ERBB4: variants seen among roughly 807,000 people sequenced by gnomAD.
ERBB4 encodes the protein erb-b2 receptor tyrosine kinase 4.
ERBB4 carries 42 observed loss-of-function variants against 158.0 expected under a neutral mutation model. The observed-to-expected ratio is 0.27, with a 90% CI of 0.21 to 0.34. ERBB4 has a LOEUF of 0.34. ERBB4 is among the 10% of genes least tolerant of loss of function. The probability of loss-of-function intolerance (pLI) is 1.00; values close to 1 mark genes in which losing one functional copy is unlikely to be tolerated. For missense variants in ERBB4, 1,333 were observed against 1,624.1 expected, an observed-to-expected ratio of 0.82 and a Z score of 3.08; for synonymous variants, 583 against 558.7, an observed-to-expected ratio of 1.04 and a Z score of -0.61.
At position 211,522,827 on chromosome 2, in the gene ERBB4, T is replaced by C. The variant is rs551697890; in HGVS notation, c.2487+39076A>G. Among the ~76,000 whole-genome samples, 41 of 152,228 alleles carry C rather than the reference T, an allele frequency of 2.7e-4. 1 individual carries two copies. In the South Asian group the frequency reaches 7.5e-3, roughly 28 times the overall value. ...TTTTTAGATATAATGCTATTGCAAA[T>C]TTATTAGACTACAGTGTAGTATAAA... On this transcript the variant is annotated intron_variant, in intron 20 of 27. Coordinates refer to ENST00000342788, the MANE Select transcript of ERBB4 (RefSeq NM_005235.3).
At chr2:212,387,554 A>G (rs1204629796) in intron 1 of ERBB4, among the ~76,000 whole-genome samples, 2 of 151,582 alleles carry the variant, frequency 1.3e-5, no homozygotes, top group Non-Finnish European at 1.5e-5. Flanking sequence ...AGTAGCTGGG[A>G]TTACGGGCAC....
chr2:212,261,494 C>T (rs1338585512), intron 1 of ERBB4, among the ~76,000 whole-genome samples: 1 of 151,998 alleles, frequency 6.6e-6, no homozygotes, highest in Non-Finnish European at 1.5e-5. Context: ...ACGTCCTGGA[C>T]AAGAACAAAT....
At chr2:211,690,612 G>T (rs1474582624) in intron 12 of ERBB4, among the ~76,000 whole-genome samples, 1 of 152,130 alleles carries the variant, frequency 6.6e-6, no homozygotes, top group Non-Finnish European at 1.5e-5. Context: ...AGTGAAGATT[G>T]GTTGATCATT....
At chr2:211,772,848 T>TATACAC (rs2075736655) in intron 4 of ERBB4, among the ~76,000 whole-genome samples, 3 of 64,318 alleles carry the variant, frequency 4.7e-5, no homozygotes, top group African/African-American at 2.0e-4. Flanking sequence ...CATATATATA[T>TATACAC]ATATATATAT....
chr2:212,297,115 G>T (rs907143152), intron 1 of ERBB4, among the ~76,000 whole-genome samples: 1 of 151,922 alleles, frequency 6.6e-6, no homozygotes, highest in African/African-American at 2.4e-5. Context: ...ATTCACATCT[G>T]AGTACAAATT....
chr2:212,402,369 G>C (rs1259850517), intron 1 of ERBB4, among the ~76,000 whole-genome samples: 1 of 152,068 alleles, frequency 6.6e-6, no homozygotes, highest in African/African-American at 2.4e-5. Flanking sequence ...GCGGGCTTTG[G>C]AGGAATGTGG....
intron 3 of ERBB4, among the ~76,000 whole-genome samples, chr2:211,847,844 C>T (rs111678758): frequency 5.9e-5 from 9 of 152,174 alleles, no homozygotes; most frequent in Admixed American, 1.3e-4. Context: ...TTCATAATAG[C>T]GTGATGCCAT....
intron 1 of ERBB4, among the ~76,000 whole-genome samples, chr2:212,485,385 A>C (rs535967554): frequency 3.9e-5 from 6 of 152,328 alleles, no homozygotes; most frequent in African/African-American, 1.2e-4. Context: ...CTCAACTAGA[A>C]ATATAAACTC....
chr2:211,418,011 A>G (rs1399222066), intron 25 of ERBB4, among the ~76,000 whole-genome samples: 1 of 152,170 alleles, frequency 6.6e-6, no homozygotes, highest in East Asian at 1.9e-4. Context: ...AAACAAAGTC[A>G]TAGAGATATT....
At chr2:211,495,266 T>A (rs1206481155) in intron 20 of ERBB4, among the ~76,000 whole-genome samples, 1 of 152,062 alleles carries the variant, frequency 6.6e-6, no homozygotes, top group Non-Finnish European at 1.5e-5. Flanking sequence ...ATTAAGTGTT[T>A]AAGCCATTGT....
At chr2:212,148,145 C>CT (rs78160323) in intron 1 of ERBB4, among the ~76,000 whole-genome samples, 191 of 142,766 alleles carry the variant, frequency 1.3e-3, no homozygotes, top group South Asian at 2.7e-3. Flanking sequence ...AGAGTATTTT[C>CT]TTTTTTTTTT....
At chr2:211,817,311 A>G (rs1478262379) in intron 3 of ERBB4, among the ~76,000 whole-genome samples, 21 of 152,178 alleles carry the variant, frequency 1.4e-4, no homozygotes, top group Admixed American at 1.2e-3. Context: ...AAACCTTTAC[A>G]TTTGGAGCCT....
At chr2:212,194,935 T>C (rs2082377965) in intron 1 of ERBB4, among the ~76,000 whole-genome samples, 1 of 151,958 alleles carries the variant, frequency 6.6e-6, no homozygotes, top group Non-Finnish European at 1.5e-5. Flanking sequence ...TCATTTGTTT[T>C]CCACATTGGT....
chr2:211,539,663 G>C (rs963808823), intron 20 of ERBB4, among the ~76,000 whole-genome samples: 1 of 151,944 alleles, frequency 6.6e-6, no homozygotes, highest in African/African-American at 2.4e-5. Flanking sequence ...AAAGGATTAA[G>C]TGACTCCTTA....
intron 1 of ERBB4, among the ~76,000 whole-genome samples, chr2:212,217,379 T>C (rs569620751): frequency 1.3e-5 from 2 of 151,490 alleles, no homozygotes; most frequent in African/African-American, 4.8e-5. Context: ...AGGTTAAATG[T>C]GTTCATTCAT....
chr2:211,876,560 G>A (rs2078508456), intron 3 of ERBB4, among the ~76,000 whole-genome samples: 1 of 152,114 alleles, frequency 6.6e-6, no homozygotes. Context: ...TGTGTTCGGT[G>A]AGAAAAACCA....
At chr2:211,605,422 A>G (rs559906049) in intron 19 of ERBB4, among the ~76,000 whole-genome samples, 3 of 152,158 alleles carry the variant, frequency 2.0e-5, no homozygotes, top group Non-Finnish European at 4.4e-5. Flanking sequence ...AAGAAAAAAC[A>G]AGAGTTCTCA....
At position 212,282,101 on chromosome 2, in the gene ERBB4, T is replaced by C. The variant is rs559242714; in HGVS notation, c.83-157198A>G. 7.9e-5 allele frequency among the ~76,000 whole-genome samples: 12 copies of C among 152,030 alleles called. No homozygotes were observed. The East Asian group carries it at 1.9e-3, about 25-fold the overall frequency. On this transcript the variant is annotated intron_variant, in intron 1 of 27. Coordinates refer to ENST00000342788, the MANE Select transcript of ERBB4 (RefSeq NM_005235.3). Reference sequence around the variant, plus strand: ...TGCCAAAATTCTCAGGTTATCATAATATTCTCTGATGGTCACTAAATAACA... The same window carrying C: ...TGCCAAAATTCTCAGGTTATCATAACATTCTCTGATGGTCACTAAATAACA...
Position 211,712,127 on chromosome 2 carries a change from A to G in ERBB4, c.1047T>C (p.Asp349=), listed in dbSNP as rs1168272330. The G allele has an allele frequency of 6.2e-7, 1 of 1,612,990 alleles. No individual in the cohort carries two copies. The highest frequency in any genetic ancestry group is 8.5e-7 in the Non-Finnish European group (1 of 1,179,038). The change falls in exon 9 of 28, where the codon GAT becomes GAC. Residue 349 remains aspartate, a synonymous_variant. Transcript: ENST00000342788. ...TGSLMSAQTV[D]SSNIDKFINC... Reference sequence around the variant, plus strand: ...TTATGAATTTGTCAATGTTACTGGAATCCACAGTCTGAGCTGACATCAATG... The same window carrying G: ...TTATGAATTTGTCAATGTTACTGGAGTCCACAGTCTGAGCTGACATCAATG...
Sources: gnomAD v4.1 joint callset for allele counts (sites outside exome capture counted in the v4.1 genomes callset) on GRCh38, gnomAD v4.1.1 for gene constraint, MANE v1.5 for transcripts, NCBI Gene and HGNC (gene_info 2026-07-23, HGNC 2026-07-21) for gene names.